The following SLC6A12 variants were observed in gnomAD, a reference collection of about 807,000 sequenced individuals.
SLC6A12 encodes solute carrier family 6 member 12, also known as sodium- and chloride-dependent betaine transporter.
In SLC6A12, 50 loss-of-function variants were observed where a neutral mutation model predicts 73.3. That is an observed-to-expected ratio of 0.68 (90% CI 0.54 to 0.86). SLC6A12 has a LOEUF of 0.86. Among genes scored for constraint, SLC6A12 ranks in the 40% least tolerant of loss-of-function variants. The pLI is 0.00. For missense variants in SLC6A12, 648 were observed against 772.8 expected (o/e 0.84, Z 1.92); for synonymous variants, 304 against 309.2 (o/e 0.98, Z 0.18).
At chr12:203,227 T>G (rs537714188) in intron 4 of SLC6A12, 1 of 174,806 alleles carries the variant, frequency 5.7e-6, no homozygotes, top group South Asian at 1.5e-4. Flanking sequence ...CGGCTAATTT[T>G]AACTTTTTTT....
chr12:191,235 T>C (rs948153590), intron 15 of SLC6A12, 24 bp from the exon 16 acceptor site: 5 of 1,259,858 alleles, frequency 4.0e-6, no homozygotes, highest in Non-Finnish European at 5.0e-6. Context: ...AGGCAGGGAT[T>C]TGGAGCTGAT....
downstream of SLC6A12, among the ~76,000 whole-genome samples, chr12:186,455 T>G (rs1939429596): frequency 6.6e-6 from 1 of 152,228 alleles, no homozygotes; most frequent in Admixed American, 6.5e-5. Context: ...TTCTCACCTC[T>G]CACTGGGGTC....
intron 3 of SLC6A12, among the ~76,000 whole-genome samples, chr12:208,045 C>T (rs1940735688): frequency 6.6e-6 from 1 of 152,216 alleles, no homozygotes; most frequent in Non-Finnish European, 1.5e-5. Context: ...CCTCCCAGGC[C>T]CTAGTGCTGT....
rs1424386074 is a variant in SLC6A12, at chr12:201,753, A to G, written c.578+9T>C. On this transcript the variant is annotated intron_variant, in intron 6 of 15. Transcript: ENST00000684302. The stretch of plus-strand genomic sequence containing the variant: ...CTCTTCATATGTGGCAAATGGGCCC[A>G]GCACCTACTCCCAGAATTCCATGAC... The G allele has an allele frequency of 6.2e-7, 1 of 1,610,866 alleles. No individual in the cohort carries two copies. The highest frequency in any genetic ancestry group is 1.7e-5 in the Admixed American group (1 of 60,014).
At chr12:195,416 G>GTGCAC (rs1285798362) in intron 12 of SLC6A12, 89 bp from the exon 13 acceptor site, 1 of 844,606 alleles carries the variant, frequency 1.2e-6, no homozygotes, top group Non-Finnish European at 2.0e-6. Context: ...CCCACGTGGG[G>GTGCAC]TGCACTCCTG....
At chr12:185,195 C>G (rs999169199), downstream of SLC6A12, among the ~76,000 whole-genome samples, 20 of 152,232 alleles carry the variant, frequency 1.3e-4, no homozygotes, top group African/African-American at 4.3e-4. Flanking sequence ...GGACAGTGAG[C>G]CCAGGTCTCC....
intron 3 of SLC6A12, among the ~76,000 whole-genome samples, chr12:207,668 A>C (rs1940717209): frequency 1.3e-5 from 2 of 152,168 alleles, no homozygotes; most frequent in Admixed American, 6.5e-5. Flanking sequence ...CTAAAGCAAA[A>C]AAATAAAAGA....
rs758132215 is a variant in SLC6A12, at chr12:197,535, GGAGGAAAAGA to G, written c.951-44_951-35del. On this transcript the variant is annotated intron_variant, in intron 9 of 15. Coordinates refer to ENST00000684302, the MANE Select transcript of SLC6A12 (RefSeq NM_001122848.3). Reference sequence around the variant, plus strand: ...GTGGGGCAAGGGCAGACAGGAACGGGGAGGAAAAGAGAGGAAGAGAGAGAGATCAGTCATG... The same window carrying G: ...GTGGGGCAAGGGCAGACAGGAACGGGGAGGAAGAGAGAGAGATCAGTCATG... 1.9e-6 allele frequency: 3 copies of G among 1,598,184 alleles called. No individual in the cohort carries two copies. The East Asian group carries it at 6.7e-5, about 36-fold the overall frequency.
intron 3 of SLC6A12, chr12:205,096 A>C: frequency 5.4e-6 from 1 of 185,758 alleles, no homozygotes. Flanking sequence ...AACAAACACA[A>C]ACACCTCAGA....
chr12:200,216 C>T (rs1329232228), intron 7 of SLC6A12, among the ~76,000 whole-genome samples: 1 of 149,086 alleles, frequency 6.7e-6, no homozygotes, highest in Non-Finnish European at 1.5e-5. Flanking sequence ...TCACGCCATT[C>T]TCCTGCCTCA....
intron 2 of SLC6A12, 156 bp from the exon 3 acceptor site, chr12:210,199 G>T: frequency 8.3e-7 from 1 of 1,199,160 alleles, no homozygotes; most frequent in Non-Finnish European, 1.1e-6. Flanking sequence ...AACTGTAAGA[G>T]CAAACCTTAG....
intron 9 of SLC6A12, 55 bp downstream of exon 9, chr12:197,845 C>A: frequency 7.7e-7 from 1 of 1,303,928 alleles, no homozygotes; most frequent in Non-Finnish European, 1.1e-6. Context: ...TTGCCCAGAA[C>A]CCATCCCCAG....
At chr12:187,010 G>T (rs143257399), downstream of SLC6A12, among the ~76,000 whole-genome samples, 9 of 152,322 alleles carry the variant, frequency 5.9e-5, no homozygotes, top group East Asian at 1.4e-3. Flanking sequence ...TTCTCCGCTA[G>T]GGCACAGATT....
chr12:200,143 C>CTG (rs1281514628), intron 7 of SLC6A12, among the ~76,000 whole-genome samples: 6 of 130,100 alleles, frequency 4.6e-5, no homozygotes, highest in Admixed American at 9.3e-5. Flanking sequence ...CGGAGTCTGG[C>CTG]TGTCGCCCAG....
At chr12:196,964 G>C in intron 10 of SLC6A12, 82 bp from the exon 11 acceptor site, 1 of 893,006 alleles carries the variant, frequency 1.1e-6, no homozygotes, top group Non-Finnish European at 1.9e-6. Context: ...AGCACTGTGT[G>C]TGTGTGTACC....
chr12:202,750 A>C lies in SLC6A12; in HGVS notation c.480T>G (p.Phe160Leu). Residue 160 changes from phenylalanine (F) to leucine (L), a missense_variant, in exon 5 of 16, where the codon TTT (phenylalanine) becomes TTG (leucine). Coordinates refer to ENST00000684302, the MANE Select transcript of SLC6A12 (RefSeq NM_001122848.3). ...SELPWTTCNN[F>L]WNTEHCTDFL... ...TGAAATGATGGATACCTGTGTTCCA[A>C]AAGTTGTTGCAGGTCGTCCAGGGCA... 6.2e-7 allele frequency: 1 copy of C among 1,613,570 alleles called. No individual in the cohort carries two copies. Among genetic ancestry groups the C allele is most frequent in the Non-Finnish European group, 8.5e-7 (1 of 1,179,762 alleles).
At chr12:193,244 G>T (rs774114087) in intron 14 of SLC6A12, 33 bp downstream of exon 14, 1 of 1,472,150 alleles carries the variant, frequency 6.8e-7, no homozygotes, top group Non-Finnish European at 9.5e-7. Context: ...CTGGGGGCAG[G>T]AAGGAATAGA....
At chr12:185,333 C>T (rs1247152294), downstream of SLC6A12, among the ~76,000 whole-genome samples, 1 of 152,230 alleles carries the variant, frequency 6.6e-6, no homozygotes, top group Non-Finnish European at 1.5e-5. Flanking sequence ...AGGACCCACT[C>T]TGGCTACCTT....
At chr12:210,243 T>C (rs1204849970) in intron 2 of SLC6A12, 200 bp from the exon 3 acceptor site, 2 of 1,138,620 alleles carry the variant, frequency 1.8e-6, no homozygotes, top group African/African-American at 1.6e-5. Flanking sequence ...AATCCAGGCC[T>C]TGGCAGATGA....
Sources: allele counts gnomAD v4.1 joint callset (sites outside exome capture counted in the v4.1 genomes callset), GRCh38; gene constraint gnomAD v4.1.1; transcripts MANE v1.5; gene names NCBI Gene and HGNC (gene_info 2026-07-23, HGNC 2026-07-21).